HYDIN: variants seen among roughly 807,000 people sequenced by gnomAD.
HYDIN encodes axonemal central pair apparatus protein HYDIN.
A neutral mutation model predicts 403.9 loss-of-function variants in HYDIN; 132 were observed. The ratio of observed to expected loss-of-function variants is 0.33; its 90% confidence interval spans 0.28 to 0.38. The LOEUF (loss-of-function observed/expected upper bound fraction) is 0.38, where lower values mean the gene tolerates loss of function less well. Among genes scored for constraint, HYDIN ranks in the 10% least tolerant of loss-of-function variants. The pLI is 1.00. For synonymous variants in HYDIN, 1,202 were observed against 1,891.7 expected, an observed-to-expected ratio of 0.64 and a Z score of 9.46; for missense variants, 2,827 against 5,009.5, an observed-to-expected ratio of 0.56 and a Z score of 13.15.
At chr16:71,052,384 T>C (rs1332953205) in intron 18 of HYDIN, among the ~76,000 whole-genome samples, 2 of 151,688 alleles carry the variant, frequency 1.3e-5, no homozygotes, top group Admixed American at 6.6e-5. Context: ...TATCAATGCA[T>C]GAAAAAAGGA....
rs1437447504 is a variant in HYDIN at position 70,965,976 on chromosome 16, GT to G, written c.5620-1081del. 2.0e-5 allele frequency among the ~76,000 whole-genome samples: 3 copies of G among 152,364 alleles called. No homozygotes were observed. The East Asian group carries it at 5.8e-4, about 29-fold the overall frequency. ...AATTGACCCATTTATTTATGGAACT[GT>G]GATAAAGCATAGAGATGGCATAGAG... On this transcript the variant is annotated intron_variant, in intron 36 of 85. Transcript: ENST00000393567.
intron 1 of HYDIN, among the ~76,000 whole-genome samples, chr16:71,226,611 G>A (rs189579641): frequency 2.6e-5 from 4 of 152,284 alleles, no homozygotes; most frequent in African/African-American, 9.6e-5. Context: ...AAGACATTAT[G>A]AAGAAAATTG....
chr16:71,130,962 G>C (rs1344674790), intron 8 of HYDIN, among the ~76,000 whole-genome samples: 2 of 131,154 alleles, frequency 1.5e-5, no homozygotes, highest in East Asian at 4.5e-4. Flanking sequence ...CCCCACCAGA[G>C]CTATGTTCAC....
At chr16:71,107,870 A>G (rs2083674210) in intron 10 of HYDIN, among the ~76,000 whole-genome samples, 1 of 152,204 alleles carries the variant, frequency 6.6e-6, no homozygotes, top group African/African-American at 2.4e-5. Flanking sequence ...ACATGCATGT[A>G]TATGTTCATT....
chr16:70,875,748 G>A (rs542949229), intron 62 of HYDIN, among the ~76,000 whole-genome samples: 2 of 152,224 alleles, frequency 1.3e-5, no homozygotes, highest in African/African-American at 4.8e-5. Context: ...TAAATACTCC[G>A]CAAGCAGAAA....
chr16:71,011,486 C>G (rs898269213), intron 23 of HYDIN, among the ~76,000 whole-genome samples: 1 of 151,658 alleles, frequency 6.6e-6, no homozygotes, highest in African/African-American at 2.4e-5. Flanking sequence ...GTAGGAGGAT[C>G]ACTTGAGCCT....
Position 71,049,208 on chromosome 16 carries a change from G to A in HYDIN, c.2529+11296C>T, listed in dbSNP as rs561713881. Among the ~76,000 whole-genome samples the A allele has an allele frequency of 6.2e-3, 942 of 152,326 alleles. 1 individual carries two copies. Among genetic ancestry groups the A allele is most frequent in the African/African-American group, 0.021 (860 of 41,558 alleles). ...CAGCTTGAGAAAGAAAAACAGGAAC[G>A]AAAATGATCCTGCAGGAAGCAAGGA... On this transcript the variant is annotated intron_variant, in intron 18 of 85. Coordinates refer to ENST00000393567, the MANE Select transcript of HYDIN (RefSeq NM_001270974.2).
At chr16:71,043,221 C>G (rs1344351540) in intron 18 of HYDIN, among the ~76,000 whole-genome samples, 2 of 148,586 alleles carry the variant, frequency 1.3e-5, no homozygotes, top group African/African-American at 2.5e-5. Flanking sequence ...GTTTCTGCAG[C>G]CTTCTCTTTG....
At chr16:70,835,027 T>C (rs866186630) in intron 78 of HYDIN, among the ~76,000 whole-genome samples, 1 of 112,566 alleles carries the variant, frequency 8.9e-6, no homozygotes, top group Non-Finnish European at 1.9e-5. Context: ...TATATATATG[T>C]TTTTTTTTTT....
At chr16:71,108,148 A>G (rs917982277) in intron 10 of HYDIN, among the ~76,000 whole-genome samples, 4 of 152,168 alleles carry the variant, frequency 2.6e-5, no homozygotes, top group African/African-American at 7.2e-5. Context: ...GAGGGGAACA[A>G]CAGACACTGG....
intron 1 of HYDIN, among the ~76,000 whole-genome samples, chr16:71,203,100 T>C (rs773609982): frequency 6.6e-6 from 1 of 152,168 alleles, no homozygotes; most frequent in Non-Finnish European, 1.5e-5. Context: ...AGTCCTTCTG[T>C]AGAGCAAAGC....
intron 18 of HYDIN, among the ~76,000 whole-genome samples, chr16:71,034,589 T>C (rs2081026897): frequency 6.6e-6 from 1 of 151,980 alleles, no homozygotes; most frequent in Non-Finnish European, 1.5e-5. Context: ...AAAATGTCAA[T>C]TTCCCAATTT....
At chr16:71,128,513 T>TATCTGATTTA (rs763413428) in intron 9 of HYDIN, among the ~76,000 whole-genome samples, 173 of 152,104 alleles carry the variant, frequency 1.1e-3, no homozygotes, top group Middle Eastern at 6.8e-3. Context: ...GTCTCTTCTG[T>TATCTGATTTA]ATCTGATTTA....
chr16:70,921,258 T>C, intron 45 of HYDIN, 41 bp from the exon 46 acceptor site: 3 of 1,521,880 alleles, frequency 2.0e-6, no homozygotes, highest in Non-Finnish European at 2.6e-6. Flanking sequence ...AAACAGTTTT[T>C]TACGGGGTAG....
At chr16:71,135,560 C>T (rs1011454891) in intron 8 of HYDIN, among the ~76,000 whole-genome samples, 4 of 146,294 alleles carry the variant, frequency 2.7e-5, no homozygotes, top group Admixed American at 6.9e-5. Context: ...GTTATGCCCA[C>T]AGGACAAGAA....
intron 18 of HYDIN, among the ~76,000 whole-genome samples, chr16:71,037,717 C>CT (rs1287343476): frequency 6.6e-6 from 1 of 152,226 alleles, no homozygotes; most frequent in Non-Finnish European, 1.5e-5. Context: ...CTGAGGGACT[C>CT]TGTCATTCAA....
intron 1 of HYDIN, among the ~76,000 whole-genome samples, chr16:71,214,712 G>A (rs1281992940): frequency 1.3e-5 from 2 of 152,136 alleles, no homozygotes; most frequent in African/African-American, 2.4e-5. Context: ...TCTATTCTTT[G>A]GGCAGACAAT....
At chr16:70,994,353 G>T (rs1225243842) in intron 23 of HYDIN, among the ~76,000 whole-genome samples, 1 of 151,870 alleles carries the variant, frequency 6.6e-6, no homozygotes, top group Non-Finnish European at 1.5e-5. Flanking sequence ...GAATAGCATA[G>T]AGGGTAATCT....
In HYDIN at chr16:70,882,649, G is replaced by A. The variant is rs1318203208; in HGVS notation, c.10215+11C>T. The A allele has an allele frequency of 6.5e-7, 1 of 1,529,830 alleles. No homozygotes were observed. The highest frequency in any genetic ancestry group is 9.1e-7 in the Non-Finnish European group (1 of 1,104,802). The allele number at this position is 1,529,830 out of a possible 1,614,324, so 94.8% of individuals were successfully genotyped here. ...ACCACGCTGGGCCAGGGGCCATTGG[G>A]AGCGTCTTACCTTATTGGAGATAGG... On this transcript the variant is annotated intron_variant, in intron 60 of 85. Transcript: ENST00000393567.
Sources: allele counts gnomAD v4.1 joint callset (sites outside exome capture counted in the v4.1 genomes callset), GRCh38; gene constraint gnomAD v4.1.1; transcripts MANE v1.5; gene names NCBI Gene and HGNC (gene_info 2026-07-23, HGNC 2026-07-21).